Variants in CNDP2 observed in about 807,000 individuals in gnomAD.
The protein encoded by CNDP2 is carnosine dipeptidase 2, also known as cytosolic non-specific dipeptidase.
Under a neutral mutation model 55.0 loss-of-function variants are expected in CNDP2, and 38 were observed. The observed-to-expected ratio is 0.69, with a 90% CI of 0.53 to 0.90. The LOEUF is 0.90. CNDP2 is among the 40% of genes least tolerant of loss of function. The probability of loss-of-function intolerance (pLI) is 0.00; values close to 1 mark genes in which losing one functional copy is unlikely to be tolerated. For synonymous variants in CNDP2, 241 were observed against 260.2 expected (o/e 0.93, Z 0.71); for missense variants, 607 against 621.7 (o/e 0.98, Z 0.25).
intron 9 of CNDP2, chr18:74,517,590 G>A (rs931265483): frequency 2.8e-4 from 43 of 152,060 alleles, no homozygotes; most frequent in Admixed American, 2.4e-3. Context: ...GCAGCGACTC[G>A]GGCAAGAGGC....
In CNDP2 at chr18:74,521,768, TTGC is replaced by T. The variant is rs1387287257; in HGVS notation, c.*1707_*1709del. On this transcript the variant is annotated 3_prime_UTR_variant, in exon 12 of 12. Transcript: ENST00000324262. The stretch of plus-strand genomic sequence containing the variant: ...AGGTGGGAGATCAAAGCTGGAGCAC[TTGC>T]TGCTGCAGGTGAGACCCCTGACACA... The T allele has an allele frequency of 6.6e-6, 1 of 152,196 alleles. No individual in the cohort carries two copies. Among genetic ancestry groups the T allele is most frequent in the African/African-American group, 2.4e-5 (1 of 41,446 alleles). The allele number at this position is 152,196 out of a possible 1,614,324, so 9.4% of individuals were successfully genotyped here. A position where few individuals can be genotyped will look rare whatever the true frequency, so the allele number is the denominator to read the frequency against.
At chr18:74,509,318 T>A in intron 5 of CNDP2, 1 of 172,144 alleles carries the variant, frequency 5.8e-6, no homozygotes, top group Non-Finnish European at 1.2e-5. Flanking sequence ...TAAAAATAAA[T>A]TCTGATTTTT....
At chr18:74,518,835 G>A (rs935353026) in intron 10 of CNDP2, 114 bp from the exon 11 acceptor site, 2 of 1,502,320 alleles carry the variant, frequency 1.3e-6, no homozygotes, top group African/African-American at 2.8e-5. Context: ...CGGGCTTGCT[G>A]TCCCCAGGGC....
intron 6 of CNDP2, 63 bp downstream of exon 6, chr18:74,511,076 C>A: frequency 1.4e-6 from 2 of 1,414,286 alleles, no homozygotes; most frequent in South Asian, 1.3e-5. Flanking sequence ...TTCTCCCAAA[C>A]GCAAAGTAGA....
rs1979403373 is a variant in CNDP2 at position 74,512,390 on chromosome 18, A to G, written c.658-58A>G. ...TGCTCTTTGTTGAATTTACTGTCAC[A>G]TGATAAAAATAAGCTCCCACTAGGC... On this transcript the variant is annotated intron_variant, in intron 6 of 11. Transcript: ENST00000324262. The G allele has an allele frequency of 6.2e-6, 9 of 1,451,256 alleles. No homozygotes were observed. In the South Asian group the frequency reaches 8.5e-5, roughly 14 times the overall value. The allele number at this position is 1,451,256 out of a possible 1,614,324, so 89.9% of individuals were successfully genotyped here.
At chr18:74,513,415 C>A in intron 7 of CNDP2, 144 bp from the exon 8 acceptor site, 1 of 786,208 alleles carries the variant, frequency 1.3e-6, no homozygotes, top group Non-Finnish European at 1.9e-6. Flanking sequence ...CTTGTGGCTG[C>A]TCTTGGCCCC....
intron 8 of CNDP2, 86 bp from the exon 9 acceptor site, chr18:74,516,142 C>A (rs1341332960): frequency 7.0e-7 from 1 of 1,436,162 alleles, no homozygotes; most frequent in African/African-American, 1.4e-5. Context: ...CGCTCATTTC[C>A]CAGACAACAT....
chr18:74,515,532 A>G (rs996012195), intron 8 of CNDP2, among the ~76,000 whole-genome samples: 8 of 151,500 alleles, frequency 5.3e-5, no homozygotes, highest in African/African-American at 1.9e-4. Flanking sequence ...GTTGACAAAC[A>G]GAAATCTACA....
intron 11 of CNDP2, among the ~76,000 whole-genome samples, chr18:74,519,777 G>C (rs113370324): frequency 2.0e-4 from 31 of 152,346 alleles, no homozygotes; most frequent in African/African-American, 6.3e-4. Context: ...GGGGCACTAG[G>C]GGACCAGGAT....
chr18:74,502,272 C>T (rs1978747073), intron 3 of CNDP2, among the ~76,000 whole-genome samples: 2 of 152,182 alleles, frequency 1.3e-5, no homozygotes. Flanking sequence ...TGAACAGTCT[C>T]ACTTTGTGGT....
chr18:74,499,391 T>C (rs1033315617), intron 1 of CNDP2: 1 of 152,748 alleles, frequency 6.5e-6, no homozygotes, highest in African/African-American at 2.4e-5. Context: ...TGTGGAGGTT[T>C]AGCTGATGCC....
rs1407147702 is a variant in CNDP2, at chr18:74,501,384, G to T, written c.116G>T (p.Gly39Val). 2.5e-6 allele frequency: 4 copies of T among 1,614,174 alleles called. No homozygotes were observed. Among genetic ancestry groups the T allele is most frequent in the Admixed American group, 1.7e-5 (1 of 60,030 alleles). The change falls in exon 3 of 12, where the codon GGC becomes GTC. Residue 39 changes from glycine to valine, a missense_variant. Transcript: ENST00000324262. Reference sequence around the variant, plus strand: ...GTGTCTGCGTGGCCGGAGAAGAGAGGCGAAATCAGGAGGATGATGGAAGTT... The same window carrying T: ...GTGTCTGCGTGGCCGGAGAAGAGAGTCGAAATCAGGAGGATGATGGAAGTT... ...QSVSAWPEKR[G>V]EIRRMMEVAA...
At chr18:74,506,791 A>T (rs982274633) in intron 4 of CNDP2, among the ~76,000 whole-genome samples, 17 of 152,168 alleles carry the variant, frequency 1.1e-4, no homozygotes, top group Admixed American at 6.5e-5. Flanking sequence ...CCGTGCTATG[A>T]GGGACCCCGC....
At position 74,502,337 on chromosome 18, in the gene CNDP2, A is replaced by G. The variant is rs181757715; in HGVS notation, c.204+865A>G. Among the ~76,000 whole-genome samples, 48 of 152,350 alleles carry G rather than the reference A, an allele frequency of 3.2e-4. 2 individuals are homozygous for G. Among genetic ancestry groups the G allele is most frequent in the African/African-American group, 1.2e-3 (48 of 41,586 alleles). On this transcript the variant is annotated intron_variant, in intron 3 of 11. Transcript: ENST00000324262. ...CTTAGAAACTGCAACTTTAAGCAAG[A>G]CAACATACAACAACAGGTCCTTGAA...
Position 74,506,023 on chromosome 18 carries a change from G to A in CNDP2, c.367+12G>A, listed in dbSNP as rs749928247. The stretch of plus-strand genomic sequence containing the variant: ...GGTGGAGCGAGACGGTGAGCGCCGC[G>A]CGCCTATGCGTGCCCAGAGGAAAGG... On this transcript the variant is annotated intron_variant, in intron 4 of 11. Transcript: ENST00000324262. The A allele has an allele frequency of 3.9e-5, 61 of 1,553,832 alleles. 1 individual carries two copies. In the Middle Eastern group the frequency reaches 1.3e-3, roughly 32 times the overall value.
chr18:74,509,920 C>T (rs896020709), intron 5 of CNDP2, among the ~76,000 whole-genome samples: 5 of 152,116 alleles, frequency 3.3e-5, no homozygotes, highest in East Asian at 1.9e-4. Flanking sequence ...CCTGCTGGTC[C>T]GGGGGATTAC....
At chr18:74,516,979 C>CGGTAGCTTACGTGGCAGACGT (rs1979708374) in intron 9 of CNDP2, 2 of 151,132 alleles carry the variant, frequency 1.3e-5, no homozygotes, top group African/African-American at 4.8e-5. Context: ...ACCACAGACG[C>CGGTAGCTTACGTGGCAGACGT]GGTAGCTTAC....
chr18:74,505,247 C>A (rs1033486095), intron 3 of CNDP2: 1 of 152,066 alleles, frequency 6.6e-6, no homozygotes, highest in Non-Finnish European at 1.5e-5. Context: ...AGTTGCATCC[C>A]GAACTCAGCC....
intron 1 of CNDP2, 127 bp from the exon 2 acceptor site, chr18:74,499,755 C>T: frequency 2.3e-6 from 1 of 443,896 alleles, no homozygotes; most frequent in Non-Finnish European, 4.0e-6. Flanking sequence ...CAGCCTCTAA[C>T]TGGTTCCCAA....
Sources: allele counts gnomAD v4.1 joint callset (sites outside exome capture counted in the v4.1 genomes callset), GRCh38; gene constraint gnomAD v4.1.1; transcripts MANE v1.5; gene names NCBI Gene and HGNC (gene_info 2026-07-23, HGNC 2026-07-21).